Variants in CDK14 observed in about 807,000 individuals in gnomAD.
CDK14 encodes the protein cyclin-dependent kinase 14.
A neutral mutation model predicts 60.7 loss-of-function variants in CDK14; 34 were observed. The observed-to-expected ratio is 0.56, with a 90% CI of 0.43 to 0.75. CDK14 has a LOEUF of 0.75. CDK14 is among the 30% of genes least tolerant of loss of function. The probability of loss-of-function intolerance (pLI) is 0.00; values close to 1 mark genes in which losing one functional copy is unlikely to be tolerated. For missense variants in CDK14, 482 were observed against 564.1 expected (o/e 0.85, Z 1.47); for synonymous variants, 197 against 203.7 (o/e 0.97, Z 0.28).
intron 7 of CDK14, among the ~76,000 whole-genome samples, chr7:90,914,036 C>G (rs1018729676): frequency 6.6e-6 from 1 of 152,144 alleles, no homozygotes; most frequent in Non-Finnish European, 1.5e-5. Context: ...GTCCCCTTGC[C>G]ACAGTTAATT....
At chr7:91,117,295 C>T (rs809131) in intron 13 of CDK14, among the ~76,000 whole-genome samples, 57,239 of 150,614 alleles carry the variant, frequency 0.38, 13,147 homozygotes, top group Non-Finnish European at 0.53. Context: ...TCCAGGATCA[C>T]GCACGCCACT....
At chr7:90,653,467 T>C (rs967677420) in intron 2 of CDK14, among the ~76,000 whole-genome samples, 3 of 152,002 alleles carry the variant, frequency 2.0e-5, no homozygotes, top group Non-Finnish European at 2.9e-5. Context: ...CCATTTTTCC[T>C]CCTTTCTCTG....
chr7:90,664,762 G>A (rs775824857), intron 2 of CDK14, among the ~76,000 whole-genome samples: 6 of 150,694 alleles, frequency 4.0e-5, no homozygotes, highest in Non-Finnish European at 5.9e-5. Flanking sequence ...ACACAGGAAG[G>A]GGAACATCAC....
chr7:91,108,297 ACT>A (rs1480100569), intron 12 of CDK14, among the ~76,000 whole-genome samples: 1 of 152,168 alleles, frequency 6.6e-6, no homozygotes, highest in Non-Finnish European at 1.5e-5. Flanking sequence ...GCAGAGTGAG[ACT>A]CTGTCTCAAA....
At chr7:90,869,067 A>C (rs1562805357) in intron 6 of CDK14, among the ~76,000 whole-genome samples, 1 of 152,168 alleles carries the variant, frequency 6.6e-6, no homozygotes. Flanking sequence ...TGCCTCATAC[A>C]TTTTGATGTT....
At chr7:90,637,506 G>A (rs561998229) in intron 2 of CDK14, among the ~76,000 whole-genome samples, 1 of 151,716 alleles carries the variant, frequency 6.6e-6, no homozygotes, top group South Asian at 2.1e-4. Flanking sequence ...GAGATAGTTT[G>A]TTATAATTTC....
At chr7:91,019,172 T>C (rs1180359183) in intron 10 of CDK14, among the ~76,000 whole-genome samples, 1 of 152,154 alleles carries the variant, frequency 6.6e-6, no homozygotes, top group Non-Finnish European at 1.5e-5. Flanking sequence ...GAATTTGCTG[T>C]TCTTGTTGGC....
At chr7:90,604,455 T>C (rs903109795) in intron 2 of CDK14, among the ~76,000 whole-genome samples, 1 of 152,258 alleles carries the variant, frequency 6.6e-6, no homozygotes, top group African/African-American at 2.4e-5. Flanking sequence ...TATGTCTTTT[T>C]CAATTAATAA....
chr7:91,172,651 C>T (rs1199722119), intron 14 of CDK14, among the ~76,000 whole-genome samples: 1 of 152,166 alleles, frequency 6.6e-6, no homozygotes, highest in East Asian at 1.9e-4. Context: ...CCCTAAAACC[C>T]ACTCTGTGTT....
At chr7:90,918,252 G>T (rs963674168) in intron 8 of CDK14, among the ~76,000 whole-genome samples, 7 of 152,180 alleles carry the variant, frequency 4.6e-5, no homozygotes, top group Non-Finnish European at 8.8e-5. Flanking sequence ...TAGAAATCTA[G>T]ATGTAGTGTT....
intron 10 of CDK14, among the ~76,000 whole-genome samples, chr7:91,035,245 G>T (rs1796887540): frequency 6.6e-6 from 1 of 152,176 alleles, no homozygotes; most frequent in Non-Finnish European, 1.5e-5. Context: ...AGACTCTGTT[G>T]TATATTACCT....
intron 14 of CDK14, among the ~76,000 whole-genome samples, chr7:91,171,004 A>T (rs1043083173): frequency 6.6e-6 from 1 of 151,914 alleles, no homozygotes; most frequent in Non-Finnish European, 1.5e-5. Context: ...CTGACCTCAG[A>T]TGATTTGGTG....
intron 5 of CDK14, among the ~76,000 whole-genome samples, chr7:90,856,052 C>G (rs1790808166): frequency 1.3e-5 from 2 of 152,152 alleles, no homozygotes; most frequent in South Asian, 2.1e-4. Flanking sequence ...CTGAAAAACT[C>G]TTAAGAAGCA....
chr7:91,196,303 C>A lies in CDK14; in HGVS notation c.*29-10862C>A, dbSNP rs181095044. 5.3e-5 allele frequency among the ~76,000 whole-genome samples: 8 copies of A among 152,246 alleles called. No individual in the cohort carries two copies. In the East Asian group the frequency reaches 1.5e-3, roughly 29 times the overall value. On this transcript the variant is annotated intron_variant, in intron 14 of 14. Coordinates refer to ENST00000380050, the MANE Select transcript of CDK14 (RefSeq NM_001287135.2). ...AAGAGTGGCTGTGTTTAACAACTGG[C>A]AAAATTCCTGAAAAGTTTCACATTC...
chr7:91,146,226 A>T (rs1800633675), intron 14 of CDK14, among the ~76,000 whole-genome samples: 1 of 152,208 alleles, frequency 6.6e-6, no homozygotes, highest in African/African-American at 2.4e-5. Flanking sequence ...ATTGAGACAG[A>T]GTCTTGCTCT....
At chr7:90,809,259 A>G (rs955096168) in intron 5 of CDK14, among the ~76,000 whole-genome samples, 2 of 152,232 alleles carry the variant, frequency 1.3e-5, no homozygotes, top group African/African-American at 4.8e-5. Flanking sequence ...AACAGAAGTT[A>G]TAACAAACTG....
chr7:91,199,752 G>T (rs559458986), intron 14 of CDK14, among the ~76,000 whole-genome samples: 1 of 152,312 alleles, frequency 6.6e-6, no homozygotes, highest in South Asian at 2.1e-4. Flanking sequence ...AATGTGCAAA[G>T]TTGCTGCAAT....
At chr7:91,005,765 T>C (rs1795965276) in intron 10 of CDK14, among the ~76,000 whole-genome samples, 1 of 152,248 alleles carries the variant, frequency 6.6e-6, no homozygotes, top group Non-Finnish European at 1.5e-5. Context: ...AAGGTGTGGC[T>C]GTTGTACCAT....
intron 2 of CDK14, among the ~76,000 whole-genome samples, chr7:90,610,936 G>A (rs147449996): frequency 2.0e-5 from 3 of 152,116 alleles, no homozygotes; most frequent in Non-Finnish European, 4.4e-5. Flanking sequence ...ACTTCTTAGA[G>A]CCCTTAATAC....
Sources: gnomAD v4.1 joint callset for allele counts (sites outside exome capture counted in the v4.1 genomes callset) on GRCh38, gnomAD v4.1.1 for gene constraint, MANE v1.5 for transcripts, NCBI Gene and HGNC (gene_info 2026-07-23, HGNC 2026-07-21) for gene names.